Variants in ZNF804B observed in about 807,000 individuals in gnomAD.
The protein encoded by ZNF804B is zinc finger 804B.
ZNF804B carries 80 observed loss-of-function variants against 101.4 expected under a neutral mutation model. That is an observed-to-expected ratio of 0.79 (90% CI 0.66 to 0.95). ZNF804B has a LOEUF of 0.95. Among genes scored for constraint, ZNF804B ranks in the 40% least tolerant of loss-of-function variants. The probability of loss-of-function intolerance (pLI) is 0.00; values close to 1 mark genes in which losing one functional copy is unlikely to be tolerated. For synonymous variants in ZNF804B, 622 were observed against 558.8 expected (o/e 1.11, Z -1.59); for missense variants, 1,673 against 1,561.9 (o/e 1.07, Z -1.20).
intron 1 of ZNF804B, among the ~76,000 whole-genome samples, chr7:88,837,483 A>G (rs1324920338): frequency 6.6e-6 from 1 of 151,962 alleles, no homozygotes; most frequent in Non-Finnish European, 1.5e-5. Flanking sequence ...ACTCAGTGAA[A>G]TCATATTTTT....
chr7:88,956,112 G>C (rs1793302201), intron 1 of ZNF804B, among the ~76,000 whole-genome samples: 1 of 151,526 alleles, frequency 6.6e-6, no homozygotes. Context: ...GTGGAGAAGA[G>C]AGAACTCCTA....
intron 1 of ZNF804B, among the ~76,000 whole-genome samples, chr7:88,784,545 G>A (rs1790272889): frequency 6.6e-6 from 1 of 152,100 alleles, no homozygotes; most frequent in South Asian, 2.1e-4. Context: ...GAATAAAGAG[G>A]TGATCTTCCT....
chr7:89,252,172 A>C (rs772960436), intron 2 of ZNF804B, among the ~76,000 whole-genome samples: 1 of 152,190 alleles, frequency 6.6e-6, no homozygotes, highest in Non-Finnish European at 1.5e-5. Context: ...CAAAGGTCTA[A>C]TGTCGAGAAT....
intron 1 of ZNF804B, among the ~76,000 whole-genome samples, chr7:88,784,630 C>T (rs139547590): frequency 6.6e-6 from 1 of 152,250 alleles, no homozygotes; most frequent in East Asian, 1.9e-4. Context: ...CTGCCAACGG[C>T]CAAGCTTTTG....
intron 1 of ZNF804B, among the ~76,000 whole-genome samples, chr7:88,972,771 G>A (rs1238259079): frequency 6.6e-5 from 10 of 151,304 alleles, no homozygotes; most frequent in Middle Eastern, 3.4e-3. Flanking sequence ...GAACTCCAAG[G>A]GTTCCATAAT....
chr7:89,077,128 A>T (rs1789627053), intron 1 of ZNF804B, among the ~76,000 whole-genome samples: 1 of 78,870 alleles, frequency 1.3e-5, no homozygotes, highest in Non-Finnish European at 2.7e-5. Flanking sequence ...ATGGTCAGTA[A>T]TCAATCCTAT....
intron 1 of ZNF804B, among the ~76,000 whole-genome samples, chr7:89,029,077 T>C (rs1490589691): frequency 6.6e-6 from 1 of 152,122 alleles, no homozygotes; most frequent in African/African-American, 2.4e-5. Context: ...CAATGAATAA[T>C]AGCTGAATGT....
intron 1 of ZNF804B, among the ~76,000 whole-genome samples, chr7:88,784,998 G>C (rs1045378230): frequency 2.0e-5 from 3 of 151,986 alleles, no homozygotes; most frequent in African/African-American, 7.3e-5. Context: ...TATTTGTGTG[G>C]GTAATAGATA....
intron 2 of ZNF804B, among the ~76,000 whole-genome samples, chr7:89,239,879 T>C (rs1301708815): frequency 6.6e-6 from 1 of 151,510 alleles, no homozygotes; most frequent in Non-Finnish European, 1.5e-5. Flanking sequence ...AATCTAGTGT[T>C]TCATTGAAAT....
chr7:89,223,303 T>C (rs1227687866), intron 2 of ZNF804B, among the ~76,000 whole-genome samples: 1 of 151,880 alleles, frequency 6.6e-6, no homozygotes, highest in Non-Finnish European at 1.5e-5. Context: ...CAATAGAACA[T>C]CTTAGATCTG....
At chr7:89,072,058 C>T (rs767900264) in intron 1 of ZNF804B, among the ~76,000 whole-genome samples, 6 of 152,046 alleles carry the variant, frequency 3.9e-5, no homozygotes, top group Non-Finnish European at 7.4e-5. Flanking sequence ...GTTTTGACCT[C>T]GAAAGAGAGG....
intron 1 of ZNF804B, among the ~76,000 whole-genome samples, chr7:89,104,349 G>GA (rs1326993947): frequency 8.6e-5 from 13 of 152,028 alleles, no homozygotes; most frequent in African/African-American, 2.7e-4. Flanking sequence ...ATTCAGCTGT[G>GA]AATCTATCTG....
At chr7:88,841,721 A>T (rs1791295117) in intron 1 of ZNF804B, among the ~76,000 whole-genome samples, 1 of 152,158 alleles carries the variant, frequency 6.6e-6, no homozygotes, top group African/African-American at 2.4e-5. Context: ...TTGGTGTCAG[A>T]AGTAAGGACA....
intron 1 of ZNF804B, among the ~76,000 whole-genome samples, chr7:88,810,374 C>T (rs1790765609): frequency 6.6e-6 from 1 of 151,946 alleles, no homozygotes; most frequent in South Asian, 2.1e-4. Context: ...TTAAAAAGAG[C>T]TGAGCCCAGG....
chr7:89,156,977 G>T (rs968548794), intron 1 of ZNF804B, among the ~76,000 whole-genome samples: 1 of 152,072 alleles, frequency 6.6e-6, no homozygotes, highest in Non-Finnish European at 1.5e-5. Context: ...TACCCTTTTC[G>T]CTTATCTCTT....
rs545509524 is a variant in ZNF804B, at chr7:89,338,438, A to G, written c.*1406A>G. 2.0e-5 allele frequency among the ~76,000 whole-genome samples: 3 copies of G among 152,218 alleles called. No individual in the cohort carries two copies. The highest frequency in any genetic ancestry group is 7.2e-5 in the African/African-American group (3 of 41,580). ...TATCATTCCTCATTACAGATAAGGA[A>G]AATGAAATAGAAAGGTTAAATACTA... On this transcript the variant is annotated 3_prime_UTR_variant, in exon 4 of 4. Transcript: ENST00000333190.
At chr7:88,874,704 C>T (rs1791896657) in intron 1 of ZNF804B, among the ~76,000 whole-genome samples, 1 of 152,082 alleles carries the variant, frequency 6.6e-6, no homozygotes, top group African/African-American at 2.4e-5. Flanking sequence ...TTGTCAAAGG[C>T]CTTTTCTGCA....
intron 1 of ZNF804B, among the ~76,000 whole-genome samples, chr7:89,088,958 C>G (rs1789844710): frequency 6.6e-6 from 1 of 151,930 alleles, no homozygotes; most frequent in Non-Finnish European, 1.5e-5. Flanking sequence ...TTTATATTTG[C>G]TATTCCACCT....
At chr7:88,932,735 G>A (rs1009083025) in intron 1 of ZNF804B, among the ~76,000 whole-genome samples, 10 of 151,420 alleles carry the variant, frequency 6.6e-5, no homozygotes, top group African/African-American at 2.4e-4. Flanking sequence ...AACAAGCAGC[G>A]AGATTGAATC....
Sources: allele counts gnomAD v4.1 joint callset (sites outside exome capture counted in the v4.1 genomes callset), GRCh38; gene constraint gnomAD v4.1.1; transcripts MANE v1.5; gene names NCBI Gene and HGNC (gene_info 2026-07-23, HGNC 2026-07-21).